ZNF618: variants seen among roughly 807,000 people sequenced by gnomAD.
The protein encoded by ZNF618 is zinc finger protein 618, also known as neural precursor cell expressed, developmentally down-regulated 10.
A neutral mutation model predicts 103.0 loss-of-function variants in ZNF618; 34 were observed. The observed-to-expected ratio is 0.33, with a 90% CI of 0.25 to 0.44. The LOEUF (loss-of-function observed/expected upper bound fraction) is 0.44. Ranked by LOEUF, ZNF618 falls within the 20% of genes least tolerant of loss-of-function variation. The pLI is 1.00. For missense variants in ZNF618, 1,059 were observed against 1,295.4 expected (o/e 0.82, Z 2.80); for synonymous variants, 551 against 542.2 (o/e 1.02, Z -0.23).
intron 1 of ZNF618, among the ~76,000 whole-genome samples, chr9:113,957,820 AC>A (rs1836454927): frequency 9.1e-6 from 1 of 109,754 alleles, no homozygotes; most frequent in African/African-American, 3.2e-5. Flanking sequence ...TTTTTTTTTT[AC>A]CCCCAACCCC....
At chr9:113,951,540 T>TATATGTGTATAC (rs1835734945) in intron 1 of ZNF618, among the ~76,000 whole-genome samples, 4 of 47,234 alleles carry the variant, frequency 8.5e-5, no homozygotes, top group Admixed American at 2.9e-4. Context: ...TGTGTGTACA[T>TATATGTGTATAC]ATGTACACAT....
intron 9 of ZNF618, chr9:114,016,074 T>C: frequency 6.5e-7 from 1 of 1,531,234 alleles, no homozygotes; most frequent in Non-Finnish European, 9.0e-7. Context: ...GTTTTTATTC[T>C]GTATTTGTAT....
chr9:114,035,340 T>C, intron 12 of ZNF618: 1 of 801,008 alleles, frequency 1.2e-6, no homozygotes, highest in Non-Finnish European at 1.5e-6. Flanking sequence ...GAGATGGGCC[T>C]TGGGCTGCCC....
rs532071569 is a variant in ZNF618, at chr9:113,974,295, G to A, written c.77+5135G>A. On this transcript the variant is annotated intron_variant, in intron 2 of 14. Coordinates refer to ENST00000374126, the MANE Select transcript of ZNF618 (RefSeq NM_001318042.2). ...GGGGCCGAAGCAGGCAGTCATTTGG[G>A]AGAAGTGCATTCCAGGCAGAGAGAA... 7.9e-5 allele frequency among the ~76,000 whole-genome samples: 12 copies of A among 152,294 alleles called. No individual in the cohort carries two copies. The East Asian group carries it at 1.9e-3, about 25-fold the overall frequency.
chr9:113,885,039 G>T (rs1264436203), intron 1 of ZNF618, among the ~76,000 whole-genome samples: 1 of 152,184 alleles, frequency 6.6e-6, no homozygotes, highest in Non-Finnish European at 1.5e-5. Context: ...TACCCTTGGG[G>T]TTGTCATCAA....
intron 1 of ZNF618, among the ~76,000 whole-genome samples, chr9:113,911,398 G>T (rs1353999587): frequency 6.6e-6 from 1 of 151,434 alleles, no homozygotes; most frequent in Non-Finnish European, 1.5e-5. Flanking sequence ...GTGCAATCTC[G>T]GCTCACTGCA....
chr9:113,917,672 C>A (rs1185772978), intron 1 of ZNF618, among the ~76,000 whole-genome samples: 1 of 152,106 alleles, frequency 6.6e-6, no homozygotes, highest in Non-Finnish European at 1.5e-5. Context: ...GTTTAAAAAA[C>A]AATTTGTATA....
chr9:113,909,329 C>T (rs1483835353), intron 1 of ZNF618, among the ~76,000 whole-genome samples: 1 of 152,040 alleles, frequency 6.6e-6, no homozygotes, highest in Non-Finnish European at 1.5e-5. Context: ...GTGTCCCTGT[C>T]CCCCTGGGTC....
intron 10 of ZNF618, 153 bp from the exon 11 acceptor site, chr9:114,028,580 C>G (rs1332179427): frequency 5.1e-6 from 6 of 1,183,302 alleles, no homozygotes; most frequent in African/African-American, 1.5e-5. Context: ...CTTTCTCTGG[C>G]TCTGAGTTAA....
chr9:114,021,837 A>G (rs1248190926), intron 10 of ZNF618, among the ~76,000 whole-genome samples: 4 of 152,146 alleles, frequency 2.6e-5, no homozygotes, highest in Admixed American at 6.5e-5. Flanking sequence ...ATGTAAGTAT[A>G]TATTTTTGAA....
chr9:113,908,997 G>A (rs1831250341), intron 1 of ZNF618, among the ~76,000 whole-genome samples: 3 of 151,786 alleles, frequency 2.0e-5, no homozygotes, highest in Middle Eastern at 3.4e-3. Context: ...TGGGTCAGTC[G>A]CCATTTATAC....
At chr9:113,885,948 G>T (rs963183725) in intron 1 of ZNF618, among the ~76,000 whole-genome samples, 2 of 152,128 alleles carry the variant, frequency 1.3e-5, no homozygotes, top group Non-Finnish European at 2.9e-5. Flanking sequence ...GTGATGCTTG[G>T]CCCCCCAGTC....
At chr9:114,015,646 T>A (rs1842586038) in intron 9 of ZNF618, among the ~76,000 whole-genome samples, 1 of 152,226 alleles carries the variant, frequency 6.6e-6, no homozygotes, top group African/African-American at 2.4e-5. Flanking sequence ...TATTTTGTGA[T>A]AATGTGTAAA....
chr9:113,981,070 T>G (rs1295207672), intron 2 of ZNF618, among the ~76,000 whole-genome samples: 3 of 152,218 alleles, frequency 2.0e-5, no homozygotes, highest in Non-Finnish European at 2.9e-5. Context: ...TGGATGTGTG[T>G]TAATGCATTT....
Position 114,049,017 on chromosome 9 carries a change from A to C in ZNF618, c.1715A>C (p.Glu572Ala). The C allele has an allele frequency of 6.2e-7, 1 of 1,613,382 alleles. No individual in the cohort carries two copies. ...SCYILTAYQA[E>A]GNHIKSYVLG... ...TACATCCTCACAGCCTACCAGGCCG[A>C]GGGCAACCACATCAAGAGCTATGTG... Residue 572 changes from glutamate to alanine, a missense_variant, in exon 15 of 15, where the codon GAG (glutamate) becomes GCG (alanine). Around this residue, in one of 6 missense-constraint regions of ZNF618, gnomAD observed 272 missense variants for 380.1 expected, o/e 0.72. Transcript: ENST00000374126.
At chr9:113,944,011 G>T (rs1219333275) in intron 1 of ZNF618, among the ~76,000 whole-genome samples, 1 of 152,216 alleles carries the variant, frequency 6.6e-6, no homozygotes, top group Non-Finnish European at 1.5e-5. Flanking sequence ...GATGGGGAAC[G>T]TGATGGGTGA....
chr9:114,028,570 C>T lies in ZNF618; in HGVS notation c.845-163C>T, dbSNP rs570605064. 174 of 1,124,634 alleles carry T rather than the reference C, an allele frequency of 1.5e-4. 2 individuals carry two copies. The East Asian group carries it at 4.2e-3, about 27-fold the overall frequency. 69.7% of individuals were successfully genotyped at this position (1,124,634 alleles called of 1,614,324 possible). On this transcript the variant is annotated intron_variant, in intron 10 of 14. Transcript: ENST00000374126. Reference sequence around the variant, plus strand: ...TGACAGAAGGTTCCAGACTCCTGGACTTTCTCTGGCTCTGAGTTAAGTGAG... The same window carrying T: ...TGACAGAAGGTTCCAGACTCCTGGATTTTCTCTGGCTCTGAGTTAAGTGAG...
intron 1 of ZNF618, among the ~76,000 whole-genome samples, chr9:113,898,845 C>T (rs190231648): frequency 3.3e-5 from 5 of 152,262 alleles, no homozygotes; most frequent in Admixed American, 6.5e-5. Flanking sequence ...GGTGAAGCTG[C>T]GCTGGGAAGT....
intron 9 of ZNF618, among the ~76,000 whole-genome samples, chr9:114,012,616 G>C (rs549542297): frequency 4.6e-5 from 7 of 152,300 alleles, no homozygotes; most frequent in African/African-American, 1.7e-4. Flanking sequence ...CAAAGAGAGA[G>C]GAGTGAGACG....
Sources: allele counts gnomAD v4.1 joint callset (sites outside exome capture counted in the v4.1 genomes callset), GRCh38; gene constraint gnomAD v4.1.1; regional missense constraint gnomAD v4.1.1; transcripts MANE v1.5; gene names NCBI Gene and HGNC (gene_info 2026-07-23, HGNC 2026-07-21).